SIGLEC15: variants seen among roughly 807,000 people sequenced by gnomAD.
SIGLEC15 encodes the protein sialic acid binding Ig like lectin 15.
In SIGLEC15, 31 loss-of-function variants were observed where a neutral mutation model predicts 26.2. The observed-to-expected ratio is 1.18, with a 90% CI of 0.89 to 1.60. The LOEUF (loss-of-function observed/expected upper bound fraction) is 1.60, where lower values mean the gene tolerates loss of function less well. SIGLEC15 is among the 40% of genes most tolerant of loss of function. SIGLEC15 has a pLI of 0.00. For missense variants in SIGLEC15, 501 were observed against 488.4 expected (o/e 1.03, Z -0.24); for synonymous variants, 207 against 221.9 (o/e 0.93, Z 0.60).
intron 2 of SIGLEC15, 90 bp downstream of exon 2, chr18:45,837,178 T>C: frequency 6.4e-7 from 1 of 1,559,584 alleles, no homozygotes. Context: ...GGGCAGGTTT[T>C]GATGGGGAAA....
intron 1 of SIGLEC15, among the ~76,000 whole-genome samples, chr18:45,833,368 G>A (rs952383795): frequency 4.6e-5 from 7 of 152,260 alleles, no homozygotes; most frequent in South Asian, 4.2e-4. Context: ...CCAGGCTGGA[G>A]TACAGTGGTG....
At chr18:45,841,337 G>A (rs1304004454) in intron 5 of SIGLEC15, among the ~76,000 whole-genome samples, 1 of 152,138 alleles carries the variant, frequency 6.6e-6, no homozygotes, top group Non-Finnish European at 1.5e-5. Context: ...GCCCGGGAGA[G>A]GAAAAGGCAA....
intron 1 of SIGLEC15, among the ~76,000 whole-genome samples, chr18:45,832,169 C>G (rs189297114): frequency 6.6e-6 from 1 of 152,250 alleles, no homozygotes; most frequent in South Asian, 2.1e-4. Context: ...GTGTTCAGTG[C>G]TCTACATACG....
chr18:45,832,068 T>C (rs766035201), intron 1 of SIGLEC15, among the ~76,000 whole-genome samples: 3 of 152,210 alleles, frequency 2.0e-5, no homozygotes, highest in Admixed American at 6.5e-5. Context: ...CCCTGAGCAC[T>C]TTCCCACCAC....
At position 45,825,775 on chromosome 18, in the gene SIGLEC15, C is replaced by G. The variant is rs748907923; in HGVS notation, c.47C>G (p.Pro16Arg). The G allele has an allele frequency of 1.2e-6, 2 of 1,614,198 alleles. No individual in the cohort carries two copies. Among genetic ancestry groups the G allele is most frequent in the South Asian group, 1.1e-5 (1 of 91,088 alleles). ...CTGGCCTGCTTGGCGTGGGTTCTCC[C>G]GACAGGTGAGTGTCTGCTACTCTCT... is the stretch of plus-strand genomic sequence containing the variant. ...WLLACLAWVL[P>R]TGSFVRTKID... The change falls in exon 1 of 6, where the codon CCG becomes CGG. Residue 16 changes from proline to arginine, a missense_variant. By Grantham distance (103) the Pro-to-Arg change is moderately radical. Coordinates refer to ENST00000389474, the MANE Select transcript of SIGLEC15 (RefSeq NM_213602.3).
In SIGLEC15 at chr18:45,835,244, A is replaced by AC. The variant is rs1164346009; in HGVS notation, c.53-1781dup. On this transcript the variant is annotated intron_variant, in intron 1 of 5. Coordinates refer to ENST00000389474, the MANE Select transcript of SIGLEC15 (RefSeq NM_213602.3). ...CAAAAGGGAGATAAGCAAGTAAGAG[A>AC]CCCCATGGCCGGCAAGATCCAGACC... is the stretch of plus-strand genomic sequence containing the variant. Among the ~76,000 whole-genome samples, 7 of 152,230 alleles carry AC rather than the reference A, an allele frequency of 4.6e-5. No homozygotes were observed. The East Asian group carries it at 1.2e-3, about 25-fold the overall frequency.
At chr18:45,829,910 T>C (rs495078) in intron 1 of SIGLEC15, among the ~76,000 whole-genome samples, 111,733 of 152,096 alleles carry the variant, frequency 0.73, 42,404 homozygotes, top group African/African-American at 0.92. Flanking sequence ...AGACCTAATT[T>C]TTGTTAAAGT....
chr18:45,829,182 A>G, intron 1 of SIGLEC15: 1 of 983,066 alleles, frequency 1.0e-6, no homozygotes, highest in Non-Finnish European at 1.2e-6. Flanking sequence ...CCATCAGCTC[A>G]GGTAAGCAGG....
At chr18:45,840,138 G>A in intron 4 of SIGLEC15, 73 bp from the exon 5 acceptor site, 1 of 1,547,744 alleles carries the variant, frequency 6.5e-7, no homozygotes. Context: ...CACATGGCAT[G>A]GGTGGGGGTG....
At chr18:45,835,860 G>C (rs572794554) in intron 1 of SIGLEC15, among the ~76,000 whole-genome samples, 4 of 152,262 alleles carry the variant, frequency 2.6e-5, no homozygotes, top group African/African-American at 9.6e-5. Context: ...GAAGGAAGAG[G>C]ACAGTGAGGA....
chr18:45,832,947 A>G (rs2048247300), intron 1 of SIGLEC15, among the ~76,000 whole-genome samples: 1 of 152,080 alleles, frequency 6.6e-6, no homozygotes, highest in African/African-American at 2.4e-5. Context: ...TTTGAATCCC[A>G]TTCAGCAGGT....
At chr18:45,835,476 T>C (rs570608677) in intron 1 of SIGLEC15, among the ~76,000 whole-genome samples, 2 of 152,200 alleles carry the variant, frequency 1.3e-5, no homozygotes, top group African/African-American at 4.8e-5. Flanking sequence ...AAAAGGCAGA[T>C]GCTGGCTAGA....
At chr18:45,830,841 G>A (rs2048229951) in intron 1 of SIGLEC15, among the ~76,000 whole-genome samples, 1 of 147,216 alleles carries the variant, frequency 6.8e-6, no homozygotes, top group Admixed American at 7.0e-5. Context: ...CTTGTGATCT[G>A]CCCGCCTCAG....
chr18:45,825,884 C>G, intron 1 of SIGLEC15, 104 bp downstream of exon 1: 1 of 1,384,670 alleles, frequency 7.2e-7, no homozygotes, highest in Non-Finnish European at 1.0e-6. Context: ...GTGTGCAGAG[C>G]CTCCAGGCCT....
rs141094241 is a variant in SIGLEC15 at position 45,842,440 on chromosome 18, T to TGAGAGA, written c.*254_*255insAGAGAG. On this transcript the variant is annotated 3_prime_UTR_variant, in exon 6 of 6. Coordinates refer to ENST00000389474, the MANE Select transcript of SIGLEC15 (RefSeq NM_213602.3). ...GCATACGTCTGTGTGTGTGTGTGTG[T>TGAGAGA]GTGAGAGAGAGAGAGAGAGAGTACA... is the stretch of plus-strand genomic sequence containing the variant. The TGAGAGA allele has an allele frequency of 4.8e-4, 221 of 457,136 alleles. No individual in the cohort carries two copies. Among genetic ancestry groups the TGAGAGA allele is most frequent in the East Asian group, 2.7e-3 (69 of 25,106 alleles). 28.3% of individuals were successfully genotyped at this position (457,136 alleles called of 1,614,324 possible). A position where few individuals can be genotyped will look rare whatever the true frequency, so the allele number is the denominator to read the frequency against.
rs751211322 is a variant in SIGLEC15 at position 45,843,303 on chromosome 18, G to C, written c.*1116G>C. On this transcript the variant is annotated 3_prime_UTR_variant, in exon 6 of 6. Transcript: ENST00000389474. ...GGGTGCTTCCCTATTTACACCTCAG[G>C]GTGAATTTGTTGATCACCTTAGCTC... is the stretch of plus-strand genomic sequence containing the variant. 3.3e-5 allele frequency: 5 copies of C among 152,186 alleles called. No homozygotes were observed. Among genetic ancestry groups the C allele is most frequent in the Non-Finnish European group, 5.9e-5 (4 of 68,066 alleles). The allele number at this position is 152,186 out of a possible 1,614,324, so 9.4% of individuals were successfully genotyped here. A position where few individuals can be genotyped will look rare whatever the true frequency, so the allele number is the denominator to read the frequency against.
In SIGLEC15 at chr18:45,828,672, G is replaced by A. The variant is rs191027963; in HGVS notation, c.52+2892G>A. On this transcript the variant is annotated intron_variant, in intron 1 of 5. Transcript: ENST00000389474. ...CTGCAATGGGGATTTGGTGACTGCC[G>A]GGGCATCCAGCCTAAATGGGAAGCA... 3.0e-4 allele frequency among the ~76,000 whole-genome samples: 46 copies of A among 152,272 alleles called. No homozygotes were observed. The East Asian group carries it at 5.4e-3, about 18-fold the overall frequency.
chr18:45,829,101 G>A (rs999577980), intron 1 of SIGLEC15: 29 of 985,714 alleles, frequency 2.9e-5, no homozygotes, highest in East Asian at 2.3e-4. Flanking sequence ...AGGCTACATC[G>A]GGACTCTGAA....
chr18:45,832,371 C>A (rs994976807), intron 1 of SIGLEC15, among the ~76,000 whole-genome samples: 1 of 135,452 alleles, frequency 7.4e-6, no homozygotes, highest in African/African-American at 2.8e-5. Flanking sequence ...CAAAGATCAC[C>A]CAGTAAGTGA....
Sources: gnomAD v4.1 joint callset for allele counts (sites outside exome capture counted in the v4.1 genomes callset) on GRCh38, gnomAD v4.1.1 for gene constraint, MANE v1.5 for transcripts, NCBI Gene and HGNC (gene_info 2026-07-23, HGNC 2026-07-21) for gene names.